The following ZPBP variants were observed in gnomAD, a reference collection of about 807,000 sequenced individuals.
ZPBP encodes the protein zona pellucida binding protein, also known as zona pellucida-binding protein 1.
A neutral mutation model predicts 44.8 loss-of-function variants in ZPBP; 26 were observed. The observed-to-expected ratio is 0.58, with a 90% CI of 0.43 to 0.81. The LOEUF is 0.81. Ranked by LOEUF, ZPBP falls within the 30% of genes least tolerant of loss-of-function variation. The probability of loss-of-function intolerance (pLI) is 0.00; values close to 1 mark genes in which losing one functional copy is unlikely to be tolerated. For synonymous variants in ZPBP, 174 were observed against 153.2 expected (o/e 1.14, Z -1.00); for missense variants, 409 against 434.0 (o/e 0.94, Z 0.51).
intron 1 of ZPBP, among the ~76,000 whole-genome samples, chr7:49,931,265 G>A (rs780405650): frequency 2.6e-5 from 4 of 152,178 alleles, no homozygotes; most frequent in Non-Finnish European, 4.4e-5. Context: ...ACCTGAAAAC[G>A]TGGAAGCTTT....
rs201959043 is a variant in ZPBP at position 49,999,270 on chromosome 7, G to A, written c.784-15751C>T. 2.0e-5 allele frequency among the ~76,000 whole-genome samples: 3 copies of A among 147,906 alleles called. No individual in the cohort carries two copies. The South Asian group carries it at 6.4e-4, about 31-fold the overall frequency. ...TATATATATTTTTATATATGTGTGT[G>A]TATATATATATACTATATATATCAT... On this transcript the variant is annotated intron_variant, in intron 6 of 7. Coordinates refer to ENST00000046087, the MANE Select transcript of ZPBP (RefSeq NM_007009.3).
intron 2 of ZPBP, among the ~76,000 whole-genome samples, chr7:49,889,578 C>T (rs980236441): frequency 2.6e-5 from 4 of 152,122 alleles, no homozygotes; most frequent in Admixed American, 6.5e-5. Context: ...AAAAGAGGAG[C>T]GGCTACAGGG....
At chr7:49,885,381 T>C (rs1473516843) in intron 2 of ZPBP, among the ~76,000 whole-genome samples, 1 of 152,056 alleles carries the variant, frequency 6.6e-6, no homozygotes, top group African/African-American at 2.4e-5. Flanking sequence ...TATATAAATA[T>C]ATACAATTAT....
rs530703553 is a variant in ZPBP at position 49,929,691 on chromosome 7, G to A, written n.411+6060C>T. 5.3e-5 allele frequency among the ~76,000 whole-genome samples: 8 copies of A among 152,308 alleles called. No individual in the cohort carries two copies. In the East Asian group the frequency reaches 1.3e-3, roughly 26 times the overall value. On this transcript the variant is annotated intron_variant and non_coding_transcript_variant, in intron 1 of 2. Transcript: ENST00000465922. ...TTTATGAGGTGGGGGCAGATAAACT[G>A]TCTAGACCATATGAGCCCTAGACCT...
At chr7:49,909,912 T>C (rs1793313649) in intron 1 of ZPBP, among the ~76,000 whole-genome samples, 1 of 151,900 alleles carries the variant, frequency 6.6e-6, no homozygotes, top group African/African-American at 2.4e-5. Context: ...GAGACCAGCC[T>C]GGGCAACATA....
chr7:49,878,627 G>T (rs1171716053), intron 2 of ZPBP, among the ~76,000 whole-genome samples: 3 of 151,970 alleles, frequency 2.0e-5, no homozygotes, highest in African/African-American at 7.3e-5. Flanking sequence ...ATTCCAAGTT[G>T]TATATTATTA....
chr7:50,056,948 G>A (rs1162400417), intron 4 of ZPBP, among the ~76,000 whole-genome samples: 1 of 152,074 alleles, frequency 6.6e-6, no homozygotes, highest in Non-Finnish European at 1.5e-5. Flanking sequence ...CACTTTGGGA[G>A]GCCAAGGTGG....
chr7:49,886,100 G>C (rs2128728754), intron 2 of ZPBP, among the ~76,000 whole-genome samples: 1 of 152,360 alleles, frequency 6.6e-6, no homozygotes, highest in African/African-American at 2.4e-5. Flanking sequence ...GGCGTCACCA[G>C]GTGCTGGGCA....
chr7:49,945,338 C>T (rs1795061047), intron 7 of ZPBP, among the ~76,000 whole-genome samples: 1 of 152,090 alleles, frequency 6.6e-6, no homozygotes, highest in African/African-American at 2.4e-5. Context: ...ATGAAATGTT[C>T]TGTGAATATG....
chr7:49,861,675 G>C (rs1232412925), intron 2 of ZPBP, among the ~76,000 whole-genome samples: 1 of 152,086 alleles, frequency 6.6e-6, no homozygotes, highest in Non-Finnish European at 1.5e-5. Flanking sequence ...TTTGTATATG[G>C]TATGAGGTAG....
At chr7:49,884,997 A>T (rs1450296810) in intron 2 of ZPBP, among the ~76,000 whole-genome samples, 5 of 152,252 alleles carry the variant, frequency 3.3e-5, no homozygotes, top group Admixed American at 2.6e-4. Context: ...AAATTAGGAA[A>T]TAGGATATAA....
intron 5 of ZPBP, among the ~76,000 whole-genome samples, chr7:50,023,072 G>A (rs182913083): frequency 1.3e-5 from 2 of 152,148 alleles, no homozygotes; most frequent in East Asian, 3.9e-4. Flanking sequence ...TACAACAGGA[G>A]CATCTGAAGT....
intron 1 of ZPBP, among the ~76,000 whole-genome samples, chr7:49,901,466 A>C: frequency 6.6e-6 from 1 of 151,980 alleles, no homozygotes; most frequent in East Asian, 1.9e-4. Flanking sequence ...TATTACTATC[A>C]CCAAAAAGAA....
intron 7 of ZPBP, among the ~76,000 whole-genome samples, chr7:49,953,800 C>T (rs1174502974): frequency 1.3e-5 from 2 of 151,980 alleles, no homozygotes; most frequent in African/African-American, 2.4e-5. Flanking sequence ...CAAAATATTG[C>T]TGAAAGAAAC....
At chr7:49,978,175 A>T (rs192528546) in intron 7 of ZPBP, among the ~76,000 whole-genome samples, 133 of 151,702 alleles carry the variant, frequency 8.8e-4, no homozygotes, top group Admixed American at 6.2e-3. Context: ...AAAGTAAAGC[A>T]TTTCAGAATC....
intron 6 of ZPBP, among the ~76,000 whole-genome samples, chr7:50,013,489 T>A (rs889407490): frequency 6.6e-6 from 1 of 152,060 alleles, no homozygotes; most frequent in African/African-American, 2.4e-5. Flanking sequence ...TTCTTATATT[T>A]ATTATTATAC....
At chr7:50,030,651 A>C (rs894541619) in intron 5 of ZPBP, among the ~76,000 whole-genome samples, 1 of 150,760 alleles carries the variant, frequency 6.6e-6, no homozygotes, top group African/African-American at 2.5e-5. Context: ...ATAAATATAA[A>C]GATAAATATA....
downstream of ZPBP, among the ~76,000 whole-genome samples, chr7:49,845,833 C>T (rs935410156): frequency 6.6e-6 from 1 of 152,202 alleles, no homozygotes; most frequent in Non-Finnish European, 1.5e-5. Context: ...GGCAAACAAA[C>T]AGCAATGCAG....
chr7:49,908,847 A>G (rs1484305883), intron 1 of ZPBP, among the ~76,000 whole-genome samples: 1 of 152,240 alleles, frequency 6.6e-6, no homozygotes, highest in Non-Finnish European at 1.5e-5. Context: ...TAATTTGAAC[A>G]TCAAAAAGAA....
Sources: allele counts gnomAD v4.1 joint callset (sites outside exome capture counted in the v4.1 genomes callset), GRCh38; gene constraint gnomAD v4.1.1; transcripts MANE v1.5; gene names NCBI Gene and HGNC (gene_info 2026-07-23, HGNC 2026-07-21).